Variants in SDCCAG8 observed in about 807,000 individuals in gnomAD.
SDCCAG8 encodes the protein serologically defined colon cancer antigen 8.
SDCCAG8 carries 74 observed loss-of-function variants against 101.8 expected under a neutral mutation model. The observed-to-expected ratio is 0.73, with a 90% CI of 0.60 to 0.88. The LOEUF (loss-of-function observed/expected upper bound fraction) is 0.88, where lower values mean the gene tolerates loss of function less well. Ranked by LOEUF, SDCCAG8 falls within the 40% of genes least tolerant of loss-of-function variation. The pLI, the probability that SDCCAG8 is intolerant of heterozygous loss-of-function variation, is 0.00. For missense variants in SDCCAG8, 787 were observed against 822.6 expected (o/e 0.96, Z 0.53); for synonymous variants, 281 against 292.9 (o/e 0.96, Z 0.41).
chr1:243,308,284 T>C (rs367773825), intron 8 of SDCCAG8, 107 bp downstream of exon 8: 2 of 1,217,936 alleles, frequency 1.6e-6, no homozygotes, highest in Non-Finnish European at 2.4e-6. Context: ...GTGATTATTG[T>C]TAATCTTCAA....
intron 13 of SDCCAG8, among the ~76,000 whole-genome samples, chr1:243,411,976 A>G (rs1431178623): frequency 1.3e-5 from 2 of 152,142 alleles, no homozygotes; most frequent in African/African-American, 4.8e-5. Context: ...ATCCTTCACC[A>G]GGCTCTCACA....
chr1:243,304,730 T>G lies in SDCCAG8; in HGVS notation c.693T>G (p.Thr231=), dbSNP rs2071909941. The G allele has an allele frequency of 6.3e-7, 1 of 1,587,818 alleles. No individual in the cohort carries two copies. The highest frequency in any genetic ancestry group is 8.6e-7 in the Non-Finnish European group (1 of 1,156,406). ...EQLELEKLKL[T]YEEKCEIEES... ...TTCTATAGGAGAAGCTAAAACTTAC[T>G]TATGAGGAAAAGTGTGAAATTGAGG... The change falls in exon 7 of 18, where the codon ACT becomes ACG. Residue 231 remains threonine, a synonymous_variant. Coordinates refer to ENST00000366541, the MANE Select transcript of SDCCAG8 (RefSeq NM_006642.5).
At chr1:243,441,299 A>G (rs2082518173) in intron 16 of SDCCAG8, among the ~76,000 whole-genome samples, 1 of 152,166 alleles carries the variant, frequency 6.6e-6, no homozygotes, top group African/African-American at 2.4e-5. Flanking sequence ...CAGGGGATGG[A>G]TGGGTATTAA....
chr1:243,489,095 GGA>G lies in SDCCAG8; in HGVS notation c.2071_2072del (p.Arg691AlafsTer21), dbSNP rs765785386. On this transcript the variant is annotated frameshift_variant, in exon 17 of 18. Transcript: ENST00000366541. LOFTEE classifies it high-confidence loss of function. ...LLSKQNQLLL[E>X]RQSLSEEVDR... ...TCAGCAAGCAGAACCAGCTTCTCCT[GGA>G]GAGGCAGAGCCTGTCGGAAGAGGTG... The G allele has an allele frequency of 5.6e-6, 9 of 1,613,168 alleles. No individual in the cohort carries two copies. The highest frequency in any genetic ancestry group is 3.3e-5 in the Admixed American group (2 of 59,990).
At chr1:243,285,083 G>A (rs577787843) in intron 4 of SDCCAG8, among the ~76,000 whole-genome samples, 89 of 152,106 alleles carry the variant, frequency 5.9e-4, no homozygotes, top group Non-Finnish European at 1.1e-3. Context: ...GGGTTTCACC[G>A]TATTGGCCAG....
intron 17 of SDCCAG8, among the ~76,000 whole-genome samples, chr1:243,491,666 TGTGA>T (rs1032682837): frequency 6.6e-6 from 1 of 152,168 alleles, no homozygotes; most frequent in Non-Finnish European, 1.5e-5. Context: ...CAGCTTGAGT[TGTGA>T]GTTAGGCTTC....
intron 15 of SDCCAG8, among the ~76,000 whole-genome samples, chr1:243,421,106 G>T (rs1300577739): frequency 6.6e-6 from 1 of 152,084 alleles, no homozygotes; most frequent in African/African-American, 2.4e-5. Context: ...GGTAATTTTG[G>T]TCCAGCTTTT....
At chr1:243,359,393 G>A (rs1219258138) in intron 12 of SDCCAG8, among the ~76,000 whole-genome samples, 1 of 152,176 alleles carries the variant, frequency 6.6e-6, no homozygotes, top group Non-Finnish European at 1.5e-5. Context: ...CTATTCAATT[G>A]TATACTTTCG....
rs1245691393 is a variant in SDCCAG8, at chr1:243,308,137, C to T, written c.889C>T (p.His297Tyr). ...AQHEAVLSQT[H>Y]TNVHMQTIER... Reference sequence around the variant, plus strand: ...GCATGAAGCTGTTCTTTCCCAAACCCATACTAATGTTCATATGCAGACCAT... The same window carrying T: ...GCATGAAGCTGTTCTTTCCCAAACCTATACTAATGTTCATATGCAGACCAT... The change falls in exon 8 of 18, where the codon CAT becomes TAT. Residue 297 changes from histidine to tyrosine, a missense_variant. Transcript: ENST00000366541. 6.2e-7 allele frequency: 1 copy of T among 1,614,036 alleles called. No individual in the cohort carries two copies. Among genetic ancestry groups the T allele is most frequent in the African/African-American group, 1.3e-5 (1 of 74,932 alleles).
chr1:243,283,709 T>C (rs1172891050), intron 4 of SDCCAG8, among the ~76,000 whole-genome samples: 1 of 152,130 alleles, frequency 6.6e-6, no homozygotes, highest in Non-Finnish European at 1.5e-5. Flanking sequence ...TTTTTTCTAT[T>C]AGAGACCTTA....
Position 243,352,075 on chromosome 1 carries a change from A to G in SDCCAG8, c.1473+7744A>G, listed in dbSNP as rs551359963. Among the ~76,000 whole-genome samples, 35 of 152,308 alleles carry G rather than the reference A, an allele frequency of 2.3e-4. No homozygotes were observed. The South Asian group carries it at 7.2e-3, about 32-fold the overall frequency. On this transcript the variant is annotated intron_variant, in intron 12 of 17. Coordinates refer to ENST00000366541, the MANE Select transcript of SDCCAG8 (RefSeq NM_006642.5). Reference sequence around the variant, plus strand: ...ATTAACATGCTCAAAAAAAGAATCTATTAATTTCTGCTTGTTATTTGATTT... The same window carrying G: ...ATTAACATGCTCAAAAAAAGAATCTGTTAATTTCTGCTTGTTATTTGATTT...
In SDCCAG8 at chr1:243,270,274, A is replaced by G. The variant is rs772231725; in HGVS notation, c.220+17A>G. The G allele has an allele frequency of 2.2e-5, 36 of 1,612,830 alleles. 1 individual carries two copies. In the Middle Eastern group the frequency reaches 4.9e-4, roughly 22 times the overall value. On this transcript the variant is annotated intron_variant, in intron 2 of 17. Coordinates refer to ENST00000366541, the MANE Select transcript of SDCCAG8 (RefSeq NM_006642.5). ...GCCATGCTGGTGAGTGTGAATGTCA[A>G]TCCTAGTCTGAATGATGCATAGTGA...
intron 16 of SDCCAG8, among the ~76,000 whole-genome samples, chr1:243,481,475 G>A (rs1663741041): frequency 6.6e-6 from 1 of 152,186 alleles, no homozygotes; most frequent in South Asian, 2.1e-4. Flanking sequence ...ATTAGGGAAT[G>A]TAAAATGCTT....
rs767180004 is a variant in SDCCAG8 at position 243,270,965 on chromosome 1, T to C, written c.221-13T>C. The stretch of plus-strand genomic sequence containing the variant: ...CAAATAAGGTTAATAAACCCTCTGC[T>C]TTTGCTCTATAGTTAATCAGCTCAA... On this transcript the variant is annotated splice_polypyrimidine_tract_variant and intron_variant, in intron 2 of 17. Transcript: ENST00000366541. The C allele has an allele frequency of 5.0e-6, 8 of 1,599,062 alleles. No individual in the cohort carries two copies. The African/African-American group carries it at 9.4e-5, about 19-fold the overall frequency.
chr1:243,360,873 A>T (rs112925948), intron 12 of SDCCAG8, among the ~76,000 whole-genome samples: 21 of 152,026 alleles, frequency 1.4e-4, no homozygotes, highest in Non-Finnish European at 2.5e-4. Context: ...CCTATGTCTG[A>T]TCTTGTCACC....
chr1:243,345,892 G>C (rs187944614), intron 12 of SDCCAG8, among the ~76,000 whole-genome samples: 1 of 152,132 alleles, frequency 6.6e-6, no homozygotes, highest in South Asian at 2.1e-4. Flanking sequence ...ATTTGTAAAC[G>C]TTTTCTGATA....
intron 5 of SDCCAG8, among the ~76,000 whole-genome samples, chr1:243,286,862 G>T (rs540084007): frequency 6.6e-6 from 1 of 152,240 alleles, no homozygotes; most frequent in South Asian, 2.1e-4. Flanking sequence ...TAAGAAGGCT[G>T]GTGTTTAGCA....
At chr1:243,438,441 GCT>G (rs150276657) in intron 16 of SDCCAG8, among the ~76,000 whole-genome samples, 22,380 of 152,028 alleles carry the variant, frequency 0.15, 1,725 homozygotes, top group Non-Finnish European at 0.16. Flanking sequence ...TGCAACCTCA[GCT>G]CTCTGATTGG....
chr1:243,272,682 A>G (rs909809371), intron 3 of SDCCAG8, among the ~76,000 whole-genome samples: 1 of 152,228 alleles, frequency 6.6e-6, no homozygotes, highest in African/African-American at 2.4e-5. Flanking sequence ...TACAGAGTGC[A>G]CTTTAAAATA....
Sources: gnomAD v4.1 joint callset for allele counts (sites outside exome capture counted in the v4.1 genomes callset) on GRCh38, gnomAD v4.1.1 for gene constraint, MANE v1.5 for transcripts, NCBI Gene and HGNC (gene_info 2026-07-23, HGNC 2026-07-21) for gene names.